Variants in DENND1A observed in about 807,000 individuals in gnomAD.
DENND1A encodes DENN domain containing 1A, also known as DENN domain-containing protein 1A.
A neutral mutation model predicts 113.7 loss-of-function variants in DENND1A; 51 were observed. The observed-to-expected ratio is 0.45, with a 90% confidence interval of 0.36 to 0.57. The LOEUF is 0.57. Among genes scored for constraint, DENND1A ranks in the 20% least tolerant of loss-of-function variants. The probability of loss-of-function intolerance (pLI) is 0.00; values close to 1 mark genes in which losing one functional copy is unlikely to be tolerated. For missense variants in DENND1A, 1,258 were observed against 1,395.9 expected, an observed-to-expected ratio of 0.90 and a Z score of 1.57; for synonymous variants, 565 against 570.8, an observed-to-expected ratio of 0.99 and a Z score of 0.14.
intron 11 of DENND1A, among the ~76,000 whole-genome samples, chr9:123,600,795 C>T (rs919487678): frequency 1.3e-5 from 2 of 151,370 alleles, no homozygotes; most frequent in African/African-American, 2.4e-5. Flanking sequence ...GGCACCACTG[C>T]ACTCTAGCCT....
chr9:123,836,972 C>T (rs1040223434), intron 2 of DENND1A, among the ~76,000 whole-genome samples: 1 of 152,066 alleles, frequency 6.6e-6, no homozygotes, highest in Non-Finnish European at 1.5e-5. Flanking sequence ...ATACCTACTA[C>T]GAGGAAAGTA....
At chr9:123,902,727 G>GAA (rs556992133) in intron 1 of DENND1A, among the ~76,000 whole-genome samples, 56 of 133,518 alleles carry the variant, frequency 4.2e-4, no homozygotes, top group Non-Finnish European at 6.6e-4. Flanking sequence ...ATAGAACAGA[G>GAA]AAAAAAAAAA....
chr9:123,483,859 T>C (rs1298245175), intron 13 of DENND1A, among the ~76,000 whole-genome samples: 2 of 152,224 alleles, frequency 1.3e-5, no homozygotes, highest in Admixed American at 6.5e-5. Context: ...AGGCCAGATG[T>C]GTAAGAGAGA....
intron 9 of DENND1A, among the ~76,000 whole-genome samples, chr9:123,639,794 A>C (rs1245346184): frequency 3.5e-5 from 5 of 142,672 alleles, no homozygotes; most frequent in African/African-American, 1.3e-4. Flanking sequence ...AAAAAAAAAA[A>C]AAACAAAAAC....
At chr9:123,739,667 C>A (rs548043186) in intron 5 of DENND1A, among the ~76,000 whole-genome samples, 3 of 152,078 alleles carry the variant, frequency 2.0e-5, no homozygotes, top group Middle Eastern at 3.4e-3. Flanking sequence ...AAAGACACTC[C>A]CAGCTGGAGG....
intron 10 of DENND1A, among the ~76,000 whole-genome samples, chr9:123,617,643 A>C (rs1350703181): frequency 6.6e-6 from 1 of 152,234 alleles, no homozygotes; most frequent in Non-Finnish European, 1.5e-5. Context: ...GGCCTACCGG[A>C]AGGCGACAGA....
chr9:123,733,526 A>G (rs1172449106), intron 5 of DENND1A, among the ~76,000 whole-genome samples: 36 of 151,494 alleles, frequency 2.4e-4, no homozygotes, highest in Admixed American at 2.0e-3. Context: ...GCCTCAAGCG[A>G]TCCTCCCACC....
chr9:123,588,826 G>A (rs533149581), intron 11 of DENND1A, among the ~76,000 whole-genome samples: 1 of 150,436 alleles, frequency 6.6e-6, no homozygotes, highest in South Asian at 2.1e-4. Flanking sequence ...GGAGTGCAGT[G>A]GCATGATCTT....
chr9:123,458,693 G>A (rs1357022418), intron 13 of DENND1A, among the ~76,000 whole-genome samples: 2 of 152,218 alleles, frequency 1.3e-5, no homozygotes, highest in African/African-American at 4.8e-5. Flanking sequence ...CAGGCGCGGT[G>A]GCTCATGCCT....
intron 12 of DENND1A, among the ~76,000 whole-genome samples, chr9:123,571,508 A>G (rs2058354413): frequency 6.6e-6 from 1 of 152,190 alleles, no homozygotes; most frequent in Admixed American, 6.5e-5. Context: ...GCTTTCAGCC[A>G]CTATAGACTA....
chr9:123,617,478 A>T (rs1391338643), intron 10 of DENND1A, among the ~76,000 whole-genome samples: 1 of 152,124 alleles, frequency 6.6e-6, no homozygotes, highest in Non-Finnish European at 1.5e-5. Context: ...TCCTGGGGTA[A>T]CCTATGCAGG....
chr9:123,902,608 A>G (rs1851859697), intron 1 of DENND1A, among the ~76,000 whole-genome samples: 1 of 152,224 alleles, frequency 6.6e-6, no homozygotes, highest in Non-Finnish European at 1.5e-5. Context: ...AAAATAAAAG[A>G]TCTGTCAAAA....
intron 21 of DENND1A, among the ~76,000 whole-genome samples, chr9:123,396,182 G>A (rs2043129795): frequency 6.6e-6 from 1 of 152,194 alleles, no homozygotes; most frequent in African/African-American, 2.4e-5. Context: ...GGATGCCAGT[G>A]CCTACTGTGG....
chr9:123,793,628 C>T (rs1833337369), intron 2 of DENND1A, among the ~76,000 whole-genome samples: 1 of 152,112 alleles, frequency 6.6e-6, no homozygotes, highest in South Asian at 2.1e-4. Context: ...CCTTTAAACA[C>T]CATACTAAAA....
chr9:123,689,972 C>T (rs1047853638), intron 5 of DENND1A, among the ~76,000 whole-genome samples: 15 of 146,848 alleles, frequency 1.0e-4, no homozygotes, highest in Non-Finnish European at 1.5e-4. Context: ...CTGAGTGACA[C>T]AGCAAGAGTC....
chr9:123,904,620 A>G (rs1441549029), intron 1 of DENND1A, among the ~76,000 whole-genome samples: 4 of 150,034 alleles, frequency 2.7e-5, no homozygotes, highest in African/African-American at 7.5e-5. Flanking sequence ...GGGTATCAGC[A>G]ATGGAAGATG....
chr9:123,435,713 G>C (rs145384552), intron 19 of DENND1A, among the ~76,000 whole-genome samples: 105 of 152,318 alleles, frequency 6.9e-4, no homozygotes, highest in African/African-American at 2.5e-3. Flanking sequence ...CCTAGGACTA[G>C]GGTCCAGTGT....
chr9:123,898,340 T>C lies in DENND1A; in HGVS notation c.18-19319A>G, dbSNP rs1440137970. Among the ~76,000 whole-genome samples the C allele has an allele frequency of 4.6e-5, 7 of 152,216 alleles. No individual in the cohort carries two copies. In the East Asian group the frequency reaches 1.3e-3, roughly 29 times the overall value. ...ATATGATACATTTTATTTTTTATTT[T>C]ATTTTTTGAGACAGGGTCTCACTCT... On this transcript the variant is annotated intron_variant, in intron 1 of 23. Coordinates refer to ENST00000394215, the MANE Select transcript of DENND1A (RefSeq NM_001352964.2).
chr9:123,718,945 G>A (rs1009667244), intron 5 of DENND1A, among the ~76,000 whole-genome samples: 1 of 152,118 alleles, frequency 6.6e-6, no homozygotes, highest in African/African-American at 2.4e-5. Context: ...CTGAATCACA[G>A]GGGCAGTTTC....
Sources: gnomAD v4.1 joint callset for allele counts (sites outside exome capture counted in the v4.1 genomes callset) on GRCh38, gnomAD v4.1.1 for gene constraint, MANE v1.5 for transcripts, NCBI Gene and HGNC (gene_info 2026-07-23, HGNC 2026-07-21) for gene names.